DOCK1: variants seen among roughly 807,000 people sequenced by gnomAD.
DOCK1 encodes dedicator of cytokinesis 1.
Under a neutral mutation model 262.7 loss-of-function variants are expected in DOCK1, and 138 were observed. The observed-to-expected ratio is 0.53, with a 90% confidence interval of 0.46 to 0.61. DOCK1 has a LOEUF of 0.61. Ranked by LOEUF, DOCK1 falls within the 20% of genes least tolerant of loss-of-function variation. DOCK1 has a pLI of 0.00. For missense variants in DOCK1, 1,908 were observed against 2,370.7 expected (o/e 0.80, Z 4.05); for synonymous variants, 866 against 867.4 (o/e 1.00, Z 0.03).
intron 38 of DOCK1, among the ~76,000 whole-genome samples, chr10:127,396,960 G>A (rs572723694): frequency 1.4e-4 from 19 of 136,822 alleles, no homozygotes; most frequent in African/African-American, 3.5e-4. Context: ...TGAGTTACAC[G>A]GGCAGCGTCT....
intron 29 of DOCK1, among the ~76,000 whole-genome samples, chr10:127,319,709 G>T (rs1481021742): frequency 2.0e-5 from 3 of 152,244 alleles, no homozygotes; most frequent in Non-Finnish European, 2.9e-5. Flanking sequence ...TCACAGTCAA[G>T]TGTGAAAGTG....
At chr10:127,027,149 G>A (rs555287804) in intron 16 of DOCK1, among the ~76,000 whole-genome samples, 178 of 152,334 alleles carry the variant, frequency 1.2e-3, no homozygotes, top group African/African-American at 4.2e-3. Context: ...TGTGCCGCAG[G>A]CAGTTAAAGG....
chr10:127,206,751 C>T (rs1476519467), intron 27 of DOCK1, among the ~76,000 whole-genome samples: 1 of 152,124 alleles, frequency 6.6e-6, no homozygotes, highest in Admixed American at 6.5e-5. Flanking sequence ...TTTTTGACAA[C>T]ATTATGAACT....
At chr10:127,406,667 A>C (rs761999309) in intron 40 of DOCK1, among the ~76,000 whole-genome samples, 1 of 152,138 alleles carries the variant, frequency 6.6e-6, no homozygotes, top group Admixed American at 6.5e-5. Context: ...TTTTGTGCTC[A>C]TGTTGATATT....
Position 126,907,489 on chromosome 10 carries a change from G to A in DOCK1, c.46+1926G>A, listed in dbSNP as rs534487405. ...TTGCTTGCCTGAGGTCACATCACCA[G>A]TAAGTGGTGCCTCCTGGGTGTGAAG... On this transcript the variant is annotated intron_variant, in intron 1 of 51. Transcript: ENST00000623213. Among the ~76,000 whole-genome samples, 8 of 152,270 alleles carry A rather than the reference G, an allele frequency of 5.3e-5. No homozygotes were observed. The South Asian group carries it at 1.7e-3, about 32-fold the overall frequency.
chr10:127,323,274 G>C (rs2062615780), intron 29 of DOCK1, among the ~76,000 whole-genome samples: 1 of 152,134 alleles, frequency 6.6e-6, no homozygotes, highest in Non-Finnish European at 1.5e-5. Flanking sequence ...CGCCCTGCCT[G>C]GTGAGTTTAC....
intron 1 of DOCK1, among the ~76,000 whole-genome samples, chr10:126,924,172 G>T (rs1296585905): frequency 7.0e-6 from 1 of 141,912 alleles, no homozygotes; most frequent in Non-Finnish European, 1.5e-5. Context: ...GGGGACTTGA[G>T]TGCTGGAACT....
At chr10:127,104,476 C>T (rs1051059190) in intron 23 of DOCK1, among the ~76,000 whole-genome samples, 1 of 152,148 alleles carries the variant, frequency 6.6e-6, no homozygotes, top group Non-Finnish European at 1.5e-5. Context: ...TATTTATTTG[C>T]TCATGGTACT....
chr10:127,087,830 A>T (rs1428383104), intron 23 of DOCK1, among the ~76,000 whole-genome samples: 2 of 152,206 alleles, frequency 1.3e-5, no homozygotes, highest in Non-Finnish European at 2.9e-5. Flanking sequence ...TTGGAATTAC[A>T]TGGGGACTCT....
At chr10:126,999,018 A>G (rs886885205) in intron 8 of DOCK1, among the ~76,000 whole-genome samples, 1 of 152,180 alleles carries the variant, frequency 6.6e-6, no homozygotes, top group Admixed American at 6.5e-5. Flanking sequence ...GGTTTGTCAT[A>G]GGTTTTGAAA....
chr10:127,207,354 AG>A (rs2057771941), intron 27 of DOCK1, among the ~76,000 whole-genome samples: 1 of 152,202 alleles, frequency 6.6e-6, no homozygotes. Context: ...AAAGCTTACA[AG>A]GAAGTTGGGG....
intron 25 of DOCK1, among the ~76,000 whole-genome samples, chr10:127,119,622 C>T (rs2049417649): frequency 6.6e-6 from 1 of 152,088 alleles, no homozygotes; most frequent in Non-Finnish European, 1.5e-5. Flanking sequence ...TAGCAAACAC[C>T]CCCCATGTAT....
intron 23 of DOCK1, among the ~76,000 whole-genome samples, chr10:127,092,898 G>C (rs2047626846): frequency 6.6e-6 from 1 of 152,190 alleles, no homozygotes; most frequent in Non-Finnish European, 1.5e-5. Flanking sequence ...GTGTCTCATG[G>C]GGTGGGGTGA....
At chr10:127,222,864 A>G (rs898077649) in intron 27 of DOCK1, among the ~76,000 whole-genome samples, 2 of 134,896 alleles carry the variant, frequency 1.5e-5, no homozygotes, top group Non-Finnish European at 3.3e-5. Context: ...TTTTGTGGAG[A>G]TTAGGTCTCA....
intron 32 of DOCK1, among the ~76,000 whole-genome samples, chr10:127,356,579 C>T (rs958556521): frequency 4.6e-5 from 7 of 152,110 alleles, no homozygotes; most frequent in African/African-American, 1.7e-4. Context: ...GCAGGCCCCA[C>T]ACCAGGCAGG....
At chr10:127,243,356 T>A (rs905581269) in intron 27 of DOCK1, among the ~76,000 whole-genome samples, 2 of 152,128 alleles carry the variant, frequency 1.3e-5, no homozygotes, top group Non-Finnish European at 2.9e-5. Flanking sequence ...TGCAATGACA[T>A]CCTGCATTCA....
chr10:127,064,424 C>G (rs542374232), intron 23 of DOCK1, among the ~76,000 whole-genome samples: 1 of 152,300 alleles, frequency 6.6e-6, no homozygotes, highest in East Asian at 1.9e-4. Flanking sequence ...TAATTTATTG[C>G]AGGATAAGCA....
chr10:127,127,722 G>A lies in DOCK1; in HGVS notation c.2805G>A (p.Val935=), dbSNP rs1020158199. Residue 935 remains valine (V), a synonymous_variant, in exon 27 of 52, where the codon GTG becomes GTA. Transcript: ENST00000623213. ...QIIMEKLLRT[V]NRTVISMGRD... Reference sequence around the variant, plus strand: ...TCATGGAGAAACTTCTCCGGACCGTGAACCGAACCGTCATTTCCATGGGAC... The same window carrying A: ...TCATGGAGAAACTTCTCCGGACCGTAAACCGAACCGTCATTTCCATGGGAC... The A allele has an allele frequency of 1.2e-6, 2 of 1,613,298 alleles. No individual in the cohort carries two copies. The highest frequency in any genetic ancestry group is 1.7e-6 in the Non-Finnish European group (2 of 1,179,352).
At chr10:126,917,227 G>A (rs2032608462) in intron 1 of DOCK1, among the ~76,000 whole-genome samples, 2 of 152,238 alleles carry the variant, frequency 1.3e-5, no homozygotes, top group African/African-American at 4.8e-5. Flanking sequence ...TCCGTAATTA[G>A]CTCCTCTCCG....
Sources: allele counts gnomAD v4.1 joint callset (sites outside exome capture counted in the v4.1 genomes callset), GRCh38; gene constraint gnomAD v4.1.1; transcripts MANE v1.5; gene names NCBI Gene and HGNC (gene_info 2026-07-23, HGNC 2026-07-21).